ADGRL2: variants seen among roughly 807,000 people sequenced by gnomAD.
ADGRL2 encodes calcium-independent alpha-latrotoxin receptor 2.
Under a neutral mutation model 157.4 loss-of-function variants are expected in ADGRL2, and 44 were observed. The observed-to-expected ratio is 0.28, with a 90% CI of 0.22 to 0.36. ADGRL2 has a LOEUF of 0.36. ADGRL2 is among the 10% of genes least tolerant of loss of function. The probability of loss-of-function intolerance (pLI) is 1.00; values close to 1 mark genes in which losing one functional copy is unlikely to be tolerated. For synonymous variants in ADGRL2, 585 were observed against 624.7 expected (o/e 0.94, Z 0.95); for missense variants, 1,510 against 1,768.9 (o/e 0.85, Z 2.63).
intron 1 of ADGRL2, among the ~76,000 whole-genome samples, chr1:81,759,090 C>T (rs562348660): frequency 6.6e-6 from 1 of 152,186 alleles, no homozygotes; most frequent in Admixed American, 6.6e-5. Context: ...AAGACCTGCA[C>T]TTTAAATATA....
intron 1 of ADGRL2, among the ~76,000 whole-genome samples, chr1:81,730,070 G>A (rs989857170): frequency 3.3e-5 from 5 of 151,964 alleles, no homozygotes; most frequent in Admixed American, 2.0e-4. Flanking sequence ...AGTGATCCTA[G>A]GAAGGCACAA....
intron 1 of ADGRL2, among the ~76,000 whole-genome samples, chr1:81,325,939 A>ATT (rs1331060298): frequency 6.7e-6 from 1 of 148,754 alleles, no homozygotes; most frequent in Non-Finnish European, 1.5e-5. Flanking sequence ...CTCACTAAGC[A>ATT]TTCATACCAC....
chr1:81,443,994 G>A (rs942963862), intron 1 of ADGRL2, among the ~76,000 whole-genome samples: 1 of 152,098 alleles, frequency 6.6e-6, no homozygotes, highest in Non-Finnish European at 1.5e-5. Flanking sequence ...ACATCTATCC[G>A]ATGCCCCGGT....
intron 1 of ADGRL2, among the ~76,000 whole-genome samples, chr1:81,329,996 G>A (rs1004877423): frequency 6.6e-6 from 1 of 152,110 alleles, no homozygotes; most frequent in African/African-American, 2.4e-5. Flanking sequence ...GAGTAAAGGT[G>A]AAATAGAAAG....
chr1:81,499,497 A>C (rs1170489943), intron 2 of ADGRL2, among the ~76,000 whole-genome samples: 1 of 152,230 alleles, frequency 6.6e-6, no homozygotes, highest in Non-Finnish European at 1.5e-5. Context: ...AAAACATTGA[A>C]CCACCTGTTT....
intron 6 of ADGRL2, among the ~76,000 whole-genome samples, chr1:81,945,575 T>G (rs183082333): frequency 6.6e-6 from 1 of 152,110 alleles, no homozygotes; most frequent in Non-Finnish European, 1.5e-5. Context: ...TGGTTAGTAA[T>G]GTCATCCTCC....
At chr1:81,551,917 G>C (rs923799177) in intron 2 of ADGRL2, among the ~76,000 whole-genome samples, 2 of 152,186 alleles carry the variant, frequency 1.3e-5, no homozygotes, top group African/African-American at 4.8e-5. Flanking sequence ...TAACTGAAAT[G>C]TATTAGTGGG....
chr1:81,431,780 A>G (rs902233424), intron 1 of ADGRL2, among the ~76,000 whole-genome samples: 2 of 152,312 alleles, frequency 1.3e-5, no homozygotes, highest in South Asian at 2.1e-4. Flanking sequence ...CTTCAATGCT[A>G]ATAAGGCATA....
intron 1 of ADGRL2, among the ~76,000 whole-genome samples, chr1:81,711,434 C>T (rs755946045): frequency 4.6e-5 from 7 of 152,116 alleles, no homozygotes; most frequent in Admixed American, 2.0e-4. Context: ...GGTCAGACTT[C>T]GGTAGTCTGT....
At chr1:81,909,769 G>C (rs1230847735) in intron 3 of ADGRL2, among the ~76,000 whole-genome samples, 2 of 151,846 alleles carry the variant, frequency 1.3e-5, no homozygotes, top group Non-Finnish European at 2.9e-5. Flanking sequence ...ATAAGGAAGA[G>C]ACCAGTTGCC....
At chr1:81,796,541 C>T (rs2087597220), upstream of ADGRL2, among the ~76,000 whole-genome samples, 1 of 152,120 alleles carries the variant, frequency 6.6e-6, no homozygotes, top group South Asian at 2.1e-4. Context: ...GTTTAAGACT[C>T]AGTGGAACAA....
At chr1:81,401,101 G>A (rs2076745803) in intron 1 of ADGRL2, among the ~76,000 whole-genome samples, 1 of 152,154 alleles carries the variant, frequency 6.6e-6, no homozygotes, top group Non-Finnish European at 1.5e-5. Context: ...GCCACTCTGG[G>A]CAGCCAAGGC....
chr1:81,513,660 T>C (rs1207065834), intron 2 of ADGRL2, among the ~76,000 whole-genome samples: 1 of 152,036 alleles, frequency 6.6e-6, no homozygotes, highest in African/African-American at 2.4e-5. Context: ...AGCTTACACT[T>C]TTTTGGTTTT....
Position 81,617,496 on chromosome 1 carries a change from C to G in ADGRL2, c.-143+36516C>G, listed in dbSNP as rs2081684940. ...CTTAGGTTATCTGTTGCAATCTCCC[C>G]AATTGCCAGCAGAGCTGCTTTCTTT... On this transcript the variant is annotated intron_variant, in intron 3 of 24. Transcript: ENST00000370721. Among the ~76,000 whole-genome samples the G allele has an allele frequency of 2.0e-5, 3 of 152,332 alleles. No homozygotes were observed. The South Asian group carries it at 6.2e-4, about 32-fold the overall frequency.
At chr1:81,408,452 C>T (rs2076892549) in intron 1 of ADGRL2, among the ~76,000 whole-genome samples, 1 of 152,098 alleles carries the variant, frequency 6.6e-6, no homozygotes, top group African/African-American at 2.4e-5. Context: ...GAGGAAAATA[C>T]TTGTGTGTAT....
At position 81,499,314 on chromosome 1, in the gene ADGRL2, C is replaced by A. The variant is rs115048123; in HGVS notation, c.-248+54225C>A. 7.7e-4 allele frequency among the ~76,000 whole-genome samples: 118 copies of A among 152,348 alleles called. 1 individual carries two copies. The highest frequency in any genetic ancestry group is 2.8e-3 in the African/African-American group (116 of 41,582). ...CAGCTGGGTCTAGGCTCTGCTTTTG[C>A]AGGCCAGTGCCTTAGGCAGCATAAA... On this transcript the variant is annotated intron_variant, in intron 2 of 24. Coordinates refer to the ADGRL2 transcript ENST00000370721.
chr1:81,420,263 C>G (rs1441271997), intron 1 of ADGRL2, among the ~76,000 whole-genome samples: 1 of 152,192 alleles, frequency 6.6e-6, no homozygotes, highest in Non-Finnish European at 1.5e-5. Context: ...TATCCTCCCT[C>G]CAAAGGACTT....
chr1:81,511,346 A>G (rs1199210315), intron 2 of ADGRL2, among the ~76,000 whole-genome samples: 2 of 146,054 alleles, frequency 1.4e-5, no homozygotes, highest in Non-Finnish European at 3.0e-5. Context: ...CTCCAAGCCC[A>G]GTCCAGGTAA....
chr1:81,907,474 T>C (rs113809854), intron 3 of ADGRL2, among the ~76,000 whole-genome samples: 5 of 152,312 alleles, frequency 3.3e-5, no homozygotes, highest in African/African-American at 1.2e-4. Context: ...TTGTGTTATA[T>C]AAACATGAAA....
Sources: gnomAD v4.1 joint callset for allele counts (sites outside exome capture counted in the v4.1 genomes callset) on GRCh38, gnomAD v4.1.1 for gene constraint, MANE v1.5 for transcripts, NCBI Gene and HGNC (gene_info 2026-07-23, HGNC 2026-07-21) for gene names.